The following CSMD3 variants were observed in gnomAD, a reference collection of about 807,000 sequenced individuals.
CSMD3 encodes the protein CUB and sushi domain-containing protein 3.
In CSMD3, 177 loss-of-function variants were observed where a neutral mutation model predicts 435.2. That is an observed-to-expected ratio of 0.41 (90% CI 0.36 to 0.46). The LOEUF is 0.46. Ranked by LOEUF, CSMD3 falls within the 20% of genes least tolerant of loss-of-function variation. The pLI, the probability that CSMD3 is intolerant of heterozygous loss-of-function variation, is 0.34. For synonymous variants in CSMD3, 1,656 were observed against 1,520.5 expected, an observed-to-expected ratio of 1.09 and a Z score of -2.07; for missense variants, 4,265 against 4,504.6, an observed-to-expected ratio of 0.95 and a Z score of 1.52.
chr8:112,743,655 G>A (rs1045618941), intron 13 of CSMD3, among the ~76,000 whole-genome samples: 7 of 151,936 alleles, frequency 4.6e-5, no homozygotes, highest in Non-Finnish European at 5.9e-5. Flanking sequence ...TTTTAGAGAA[G>A]ACAGAATTGC....
intron 13 of CSMD3, among the ~76,000 whole-genome samples, chr8:112,791,018 A>G (rs967119594): frequency 1.2e-4 from 19 of 152,248 alleles, no homozygotes; most frequent in South Asian, 6.2e-4. Flanking sequence ...AACCATCACC[A>G]CTGACAAGAT....
chr8:112,643,129 G>T (rs2074880450), intron 20 of CSMD3, among the ~76,000 whole-genome samples: 1 of 152,152 alleles, frequency 6.6e-6, no homozygotes, highest in Non-Finnish European at 1.5e-5. Flanking sequence ...GTGAGTTGAT[G>T]TGTTTGAGGA....
chr8:113,242,274 T>A (rs551040581), intron 3 of CSMD3, among the ~76,000 whole-genome samples: 2 of 151,868 alleles, frequency 1.3e-5, no homozygotes, highest in African/African-American at 4.8e-5. Flanking sequence ...ATGAACAGAA[T>A]AAAATATTAA....
intron 31 of CSMD3, among the ~76,000 whole-genome samples, chr8:112,490,394 G>C (rs1439013801): frequency 6.6e-6 from 1 of 151,966 alleles, no homozygotes; most frequent in Non-Finnish European, 1.5e-5. Flanking sequence ...CCTATAAAAT[G>C]GTTTTGGCTC....
At chr8:112,438,483 T>C (rs1295943102) in intron 32 of CSMD3, among the ~76,000 whole-genome samples, 1 of 152,194 alleles carries the variant, frequency 6.6e-6, no homozygotes, top group African/African-American at 2.4e-5. Flanking sequence ...ACATTAGTAC[T>C]AATTTCAGCA....
chr8:112,341,725 T>A, intron 41 of CSMD3, 39 bp from the exon 42 acceptor site: 1 of 1,300,116 alleles, frequency 7.7e-7, no homozygotes. Context: ...TTTATTTGCT[T>A]TACCGAATTA....
intron 16 of CSMD3, among the ~76,000 whole-genome samples, chr8:112,676,423 TA>T (rs1299636513): frequency 6.6e-6 from 1 of 152,102 alleles, no homozygotes; most frequent in African/African-American, 2.4e-5. Context: ...TTTAATAAAA[TA>T]AAATTTAATA....
At chr8:112,310,735 T>C in intron 50 of CSMD3, 1 of 574,224 alleles carries the variant, frequency 1.7e-6, no homozygotes, top group Admixed American at 2.7e-5. Context: ...ATAAAGTATG[T>C]ATACAAGGGG....
chr8:112,314,406 C>T (rs2130835356), intron 48 of CSMD3, 23 bp downstream of exon 48: 1 of 1,497,452 alleles, frequency 6.7e-7, no homozygotes, highest in East Asian at 2.3e-5. Flanking sequence ...GATGAATATC[C>T]AATAAATATA....
chr8:112,881,470 CTATAAA>C (rs2081446314), intron 10 of CSMD3, among the ~76,000 whole-genome samples: 1 of 152,008 alleles, frequency 6.6e-6, no homozygotes, highest in Non-Finnish European at 1.5e-5. Flanking sequence ...TCTTACAATC[CTATAAA>C]TATGTTTCTA....
chr8:112,707,640 G>T (rs1284144579), intron 13 of CSMD3, among the ~76,000 whole-genome samples: 1 of 151,982 alleles, frequency 6.6e-6, no homozygotes, highest in Admixed American at 6.6e-5. Flanking sequence ...ACCTTTGAGG[G>T]TTGTTTTGAA....
intron 12 of CSMD3, among the ~76,000 whole-genome samples, chr8:112,804,767 C>A (rs1349925955): frequency 2.0e-5 from 3 of 151,778 alleles, no homozygotes; most frequent in East Asian, 1.9e-4. Context: ...CGGGTTCAAG[C>A]AATTATCCTG....
intron 6 of CSMD3, among the ~76,000 whole-genome samples, chr8:112,980,378 GTTCC>G (rs2085006382): frequency 1.3e-5 from 2 of 151,178 alleles, no homozygotes; most frequent in Non-Finnish European, 3.0e-5. Context: ...AATATATTCT[GTTCC>G]TTCCTTTAAT....
intron 13 of CSMD3, among the ~76,000 whole-genome samples, chr8:112,796,502 C>G (rs961063505): frequency 2.0e-5 from 3 of 151,962 alleles, no homozygotes; most frequent in Non-Finnish European, 4.4e-5. Flanking sequence ...TTGGAATATG[C>G]AAGGCTCTTC....
intron 22 of CSMD3, among the ~76,000 whole-genome samples, chr8:112,598,716 A>T (rs1031729502): frequency 6.6e-6 from 1 of 150,652 alleles, no homozygotes; most frequent in South Asian, 2.1e-4. Flanking sequence ...ATAATGCCGC[A>T]TATCTACAAC....
intron 31 of CSMD3, among the ~76,000 whole-genome samples, chr8:112,476,966 TTTCTC>T (rs560390127): frequency 8.5e-5 from 13 of 152,316 alleles, no homozygotes; most frequent in East Asian, 1.9e-4. Context: ...ACTTATCATA[TTTCTC>T]TTCTCTTCTC....
chr8:112,235,513 G>C (rs1161244825), intron 67 of CSMD3, among the ~76,000 whole-genome samples: 5 of 152,106 alleles, frequency 3.3e-5, no homozygotes, highest in African/African-American at 1.2e-4. Context: ...ATGACATAAG[G>C]AAGAGAAGCA....
chr8:113,198,943 C>T (rs2092689367), intron 3 of CSMD3, among the ~76,000 whole-genome samples: 1 of 151,144 alleles, frequency 6.6e-6, no homozygotes, highest in Admixed American at 6.6e-5. Context: ...TAATTTCCTG[C>T]TTGAAATAAA....
chr8:113,230,669 C>G (rs2093075491), intron 3 of CSMD3, among the ~76,000 whole-genome samples: 1 of 151,476 alleles, frequency 6.6e-6, no homozygotes, highest in African/African-American at 2.4e-5. Flanking sequence ...CCAAGCATCC[C>G]CTGTTATTAA....
Sources: gnomAD v4.1 joint callset for allele counts (sites outside exome capture counted in the v4.1 genomes callset) on GRCh38, gnomAD v4.1.1 for gene constraint, MANE v1.5 for transcripts, NCBI Gene and HGNC (gene_info 2026-07-23, HGNC 2026-07-21) for gene names.